COL24A1: variants seen among roughly 807,000 people sequenced by gnomAD.
COL24A1 encodes the protein collagen alpha-1(XXIV) chain.
A neutral mutation model predicts 253.9 loss-of-function variants in COL24A1; 224 were observed. The observed-to-expected ratio is 0.88, with a 90% CI of 0.79 to 0.99. The LOEUF (loss-of-function observed/expected upper bound fraction) is 0.99, where lower values mean the gene tolerates loss of function less well. Among genes scored for constraint, COL24A1 ranks in the 50% least tolerant of loss-of-function variants. The pLI, the probability that COL24A1 is intolerant of heterozygous loss-of-function variation, is 0.00. For synonymous variants in COL24A1, 685 were observed against 673.7 expected (o/e 1.02, Z -0.26); for missense variants, 2,131 against 2,068.5 (o/e 1.03, Z -0.59).
At chr1:85,784,052 A>C (rs41371348) in intron 50 of COL24A1, 61 bp downstream of exon 50, 182,308 of 1,324,478 alleles carry the variant, frequency 0.14, 12,991 homozygotes, top group Middle Eastern at 0.2. Flanking sequence ...AGACTATATT[A>C]TTTCAACAGC....
intron 55 of COL24A1, among the ~76,000 whole-genome samples, 191 bp from the exon 56 acceptor site, chr1:85,745,697 T>C (rs1665139760): frequency 1.3e-5 from 2 of 152,174 alleles, no homozygotes. Context: ...ATATGCCACC[T>C]TCATCCAAAT....
intron 3 of COL24A1, among the ~76,000 whole-genome samples, chr1:86,124,368 G>A (rs1221637655): frequency 2.7e-5 from 4 of 146,990 alleles, no homozygotes; most frequent in Non-Finnish European, 6.1e-5. Flanking sequence ...TCTAAAGTAA[G>A]TTTTACACTC....
In COL24A1 at chr1:85,965,175, A is replaced by C. The variant is rs114021921; in HGVS notation, c.2464-113T>G. The C allele has an allele frequency of 1.7e-3, 1,318 of 765,062 alleles. 9 individuals carry two copies. In the African/African-American group the frequency reaches 0.021, roughly 12 times the overall value. The allele number at this position is 765,062 out of a possible 1,614,324, so 47.4% of individuals were successfully genotyped here. ...TATTCTTATAAATTTAAATACTTTA[A>C]AATTATTTGATAAATGTATTTCATC... On this transcript the variant is annotated intron_variant, in intron 22 of 59. Coordinates refer to ENST00000370571, the MANE Select transcript of COL24A1 (RefSeq NM_152890.7).
At chr1:85,840,642 T>C (rs910392817) in intron 42 of COL24A1, among the ~76,000 whole-genome samples, 2 of 152,268 alleles carry the variant, frequency 1.3e-5, no homozygotes, top group Non-Finnish European at 2.9e-5. Context: ...GACATTGTTT[T>C]AGTCAAACAT....
At chr1:86,016,878 T>C (rs1356960577) in intron 19 of COL24A1, among the ~76,000 whole-genome samples, 1 of 152,204 alleles carries the variant, frequency 6.6e-6, no homozygotes, top group East Asian at 1.9e-4. Flanking sequence ...GTTCCAAGCC[T>C]CAAGTACTTG....
intron 20 of COL24A1, among the ~76,000 whole-genome samples, chr1:85,983,665 A>G (rs1041159878): frequency 6.6e-6 from 1 of 151,856 alleles, no homozygotes; most frequent in Non-Finnish European, 1.5e-5. Context: ...GTATATAAAA[A>G]TGAAAGAAGT....
At chr1:85,939,436 A>G (rs967744344) in intron 24 of COL24A1, among the ~76,000 whole-genome samples, 1 of 152,168 alleles carries the variant, frequency 6.6e-6, no homozygotes, top group African/African-American at 2.4e-5. Flanking sequence ...AAAATTGTTC[A>G]TTACATATAT....
intron 14 of COL24A1, among the ~76,000 whole-genome samples, chr1:86,028,394 G>A (rs764582735): frequency 3.5e-4 from 54 of 152,290 alleles, no homozygotes; most frequent in Non-Finnish European, 3.4e-4. Context: ...GACATAATTG[G>A]ATCATGGAGA....
chr1:85,864,559 A>G (rs978281561), intron 37 of COL24A1, among the ~76,000 whole-genome samples: 2 of 152,198 alleles, frequency 1.3e-5, no homozygotes, highest in African/African-American at 2.4e-5. Context: ...AATAGACATT[A>G]TAAACATTTG....
At chr1:86,068,457 C>T (rs532734234) in intron 7 of COL24A1, among the ~76,000 whole-genome samples, 1 of 152,282 alleles carries the variant, frequency 6.6e-6, no homozygotes, top group East Asian at 1.9e-4. Flanking sequence ...ATCGCACATC[C>T]TCAAGGAACT....
At chr1:86,066,690 T>A (rs1701517504) in intron 7 of COL24A1, among the ~76,000 whole-genome samples, 1 of 152,244 alleles carries the variant, frequency 6.6e-6, no homozygotes, top group African/African-American at 2.4e-5. Flanking sequence ...AGCCATATTG[T>A]GAACCTCAAT....
chr1:85,837,092 C>T (rs1334464806), intron 43 of COL24A1, among the ~76,000 whole-genome samples: 1 of 152,148 alleles, frequency 6.6e-6, no homozygotes, highest in Non-Finnish European at 1.5e-5. Context: ...CTTTAAGAGG[C>T]TTCTCAAATT....
At chr1:85,815,667 G>T (rs1449850686) in intron 47 of COL24A1, among the ~76,000 whole-genome samples, 1 of 151,522 alleles carries the variant, frequency 6.6e-6, no homozygotes, top group Non-Finnish European at 1.5e-5. Flanking sequence ...TTTAAGTTTA[G>T]GTATAGCACC....
chr1:85,938,747 T>A (rs1299872142), intron 24 of COL24A1, among the ~76,000 whole-genome samples: 1 of 129,786 alleles, frequency 7.7e-6, no homozygotes, highest in Non-Finnish European at 1.7e-5. Context: ...TTTGCCTTAG[T>A]TCCAGAGAGC....
At chr1:85,829,476 C>T (rs1461606897) in intron 43 of COL24A1, among the ~76,000 whole-genome samples, 2 of 151,698 alleles carry the variant, frequency 1.3e-5, no homozygotes, top group East Asian at 3.9e-4. Flanking sequence ...GCCTGCCTTG[C>T]TAGATTGGGG....
chr1:85,810,516 CAT>C (rs947761207), intron 47 of COL24A1, among the ~76,000 whole-genome samples: 6 of 152,038 alleles, frequency 3.9e-5, no homozygotes, highest in African/African-American at 1.4e-4. Context: ...TGCTTTGTGA[CAT>C]AGTTTGGATA....
chr1:86,083,729 G>A (rs761445586), intron 7 of COL24A1, among the ~76,000 whole-genome samples: 4 of 152,094 alleles, frequency 2.6e-5, no homozygotes, highest in Non-Finnish European at 5.9e-5. Context: ...CAGAGAGGAG[G>A]TGGTGCTTTG....
At chr1:85,747,356 T>C (rs912752332) in intron 55 of COL24A1, among the ~76,000 whole-genome samples, 1 of 151,888 alleles carries the variant, frequency 6.6e-6, no homozygotes, top group African/African-American at 2.4e-5. Context: ...TCAGGTGATC[T>C]GCCCGCCTTG....
chr1:86,134,387 C>T (rs1242240102), intron 2 of COL24A1, among the ~76,000 whole-genome samples: 1 of 151,698 alleles, frequency 6.6e-6, no homozygotes, highest in Non-Finnish European at 1.5e-5. Flanking sequence ...TTGCTTTCTG[C>T]TAGCTTTTGA....
Sources: gnomAD v4.1 joint callset for allele counts (sites outside exome capture counted in the v4.1 genomes callset) on GRCh38, gnomAD v4.1.1 for gene constraint, MANE v1.5 for transcripts, NCBI Gene and HGNC (gene_info 2026-07-23, HGNC 2026-07-21) for gene names.